The following LARP1B variants were observed in gnomAD, a reference collection of about 807,000 sequenced individuals.
The protein encoded by LARP1B is la-related protein 1B.
A neutral mutation model predicts 114.2 loss-of-function variants in LARP1B; 76 were observed. The ratio of observed to expected loss-of-function variants is 0.67; its 90% confidence interval spans 0.55 to 0.81. The LOEUF (loss-of-function observed/expected upper bound fraction) is 0.81, where lower values mean the gene tolerates loss of function less well. LARP1B is among the 30% of genes least tolerant of loss of function. The pLI is 0.00. For synonymous variants in LARP1B, 345 were observed against 348.0 expected (o/e 0.99, Z 0.10); for missense variants, 1,014 against 1,075.8 (o/e 0.94, Z 0.80).
At chr4:128,221,543 C>T (rs6849865) in intron 7 of LARP1B, among the ~76,000 whole-genome samples, 2 of 152,006 alleles carry the variant, frequency 1.3e-5, no homozygotes, top group Admixed American at 6.6e-5. Context: ...AAACCAGAAT[C>T]CGCTGCTATT....
chr4:128,097,953 G>A (rs1165227574), intron 7 of LARP1B, among the ~76,000 whole-genome samples: 1 of 152,014 alleles, frequency 6.6e-6, no homozygotes, highest in Non-Finnish European at 1.5e-5. Flanking sequence ...CTAAATAGAA[G>A]TTATTAATTT....
At position 128,091,380 on chromosome 4, in the gene LARP1B, A is replaced by G. The variant is rs1156447592; in HGVS notation, c.536A>G (p.His179Arg). 2.5e-6 allele frequency: 4 copies of G among 1,612,078 alleles called. No individual in the cohort carries two copies. Among genetic ancestry groups the G allele is most frequent in the Non-Finnish European group, 3.4e-6 (4 of 1,179,060 alleles). ...GATTATTCATATGGTTATCAAGAAC[A>G]TGGTGAAAGGACTGATCAACCATTT... Reference protein sequence around the residue: ...NFDYSYGYQEHGERTDQPFQT... With the variant: ...NFDYSYGYQERGERTDQPFQT... Residue 179 changes from histidine to arginine, a missense_variant, in exon 7 of 20, where the codon CAT (histidine) becomes CGT (arginine). His to Arg is a conservative substitution (Grantham distance 29). Coordinates refer to ENST00000326639, the MANE Select transcript of LARP1B (RefSeq NM_018078.4).
Position 128,065,321 on chromosome 4 carries a change from C to CTTT in LARP1B, c.-78+3921_-78+3922insTTT, listed in dbSNP as rs1561012561. On this transcript the variant is annotated intron_variant, in intron 1 of 19. Coordinates refer to ENST00000326639, the MANE Select transcript of LARP1B (RefSeq NM_018078.4). ...TCTTTCTTTCTTTCTTTCTTTCTCT[C>CTTT]TCTCTCTCTCTTTCCTTTCTTTTCT... is the stretch of plus-strand genomic sequence containing the variant. Among the ~76,000 whole-genome samples, 25 of 131,920 alleles carry CTTT rather than the reference C, an allele frequency of 1.9e-4. 1 individual carries two copies. Among genetic ancestry groups the CTTT allele is most frequent in the African/African-American group, 1.7e-4 (6 of 36,054 alleles). 86.5% of individuals were successfully genotyped at this position (131,920 alleles called of 152,430 possible). A position where few individuals can be genotyped will look rare whatever the true frequency, so the allele number is the denominator to read the frequency against.
chr4:128,067,457 T>C (rs1381295685), intron 1 of LARP1B, among the ~76,000 whole-genome samples: 1 of 152,186 alleles, frequency 6.6e-6, no homozygotes, highest in African/African-American at 2.4e-5. Flanking sequence ...AAATTATGAA[T>C]TTTCTCTACA....
At chr4:128,186,817 G>A (rs1056994435) in intron 15 of LARP1B, among the ~76,000 whole-genome samples, 1 of 152,188 alleles carries the variant, frequency 6.6e-6, no homozygotes, top group Admixed American at 6.5e-5. Flanking sequence ...AGGACAGAAT[G>A]GGGCCCTGTG....
chr4:128,061,105 T>C (rs1003085990), upstream of LARP1B, among the ~76,000 whole-genome samples: 37 of 151,786 alleles, frequency 2.4e-4, no homozygotes, highest in Non-Finnish European at 4.1e-4. Context: ...CCGGGAGTCG[T>C]CCCCTTCGTC....
chr4:128,072,953 G>A (rs968775457), intron 1 of LARP1B, among the ~76,000 whole-genome samples: 1 of 152,084 alleles, frequency 6.6e-6, no homozygotes, highest in Non-Finnish European at 1.5e-5. Flanking sequence ...ATAGTATTCT[G>A]TGTATTATTA....
At chr4:128,074,239 A>G (rs1311677527) in intron 1 of LARP1B, among the ~76,000 whole-genome samples, 1 of 152,084 alleles carries the variant, frequency 6.6e-6, no homozygotes, top group Non-Finnish European at 1.5e-5. Context: ...CCCGCCCGGC[A>G]ACACTGTTAA....
intron 3 of LARP1B, among the ~76,000 whole-genome samples, 176 bp from the exon 4 acceptor site, chr4:128,077,611 CT>C (rs1288307683): frequency 1.3e-5 from 2 of 148,900 alleles, no homozygotes; most frequent in Non-Finnish European, 3.0e-5. Flanking sequence ...TTAGCAAATA[CT>C]TTCTCCTAGT....
In LARP1B at chr4:128,199,426, C is replaced by A; in HGVS notation, c.2004-13C>A. The A allele has an allele frequency of 6.8e-7, 1 of 1,473,768 alleles. No individual in the cohort carries two copies. Among genetic ancestry groups the A allele is most frequent in the Non-Finnish European group, 9.0e-7 (1 of 1,106,090 alleles). 91.3% of individuals were successfully genotyped at this position (1,473,768 alleles called of 1,614,324 possible). ...TTTTCATTTTGAAGGCTTTTTTCCC[C>A]TTTCTCAAACAGCACTTCAAATGCT... On this transcript the variant is annotated splice_polypyrimidine_tract_variant and intron_variant, in intron 15 of 19. Coordinates refer to ENST00000326639, the MANE Select transcript of LARP1B (RefSeq NM_018078.4).
At position 128,208,645 on chromosome 4, in the gene LARP1B, A is replaced by G. The variant is rs570859208; in HGVS notation, c.2548-1211A>G. ...CAACGGAAGATTGGATGAGGAGGTT[A>G]CTATCTTAGTTTAGCTCCACATAAA... On this transcript the variant is annotated intron_variant, in intron 19 of 19. Transcript: ENST00000326639. Among the ~76,000 whole-genome samples the G allele has an allele frequency of 6.6e-5, 10 of 152,306 alleles. No individual in the cohort carries two copies. The South Asian group carries it at 2.1e-3, about 32-fold the overall frequency.
intron 1 of LARP1B, chr4:128,062,025 C>G: frequency 1.0e-6 from 1 of 985,146 alleles, no homozygotes; most frequent in South Asian, 4.7e-5. Flanking sequence ...CCGCCGCCGC[C>G]GTCGCCGTTG....
At chr4:128,183,709 G>A (rs1368281276) in intron 15 of LARP1B, among the ~76,000 whole-genome samples, 2 of 152,160 alleles carry the variant, frequency 1.3e-5, no homozygotes, top group Non-Finnish European at 2.9e-5. Context: ...GGCTATAGCT[G>A]CCACAGCTAG....
chr4:128,155,616 A>G (rs1735176417), intron 11 of LARP1B: 1 of 1,206,768 alleles, frequency 8.3e-7, no homozygotes. Context: ...CCAGCCCCCT[A>G]CAACCCCAGC....
At chr4:128,125,858 C>CTCTGGGTG (rs1242859458) in intron 11 of LARP1B, among the ~76,000 whole-genome samples, 1 of 152,212 alleles carries the variant, frequency 6.6e-6, no homozygotes, top group Non-Finnish European at 1.5e-5. Flanking sequence ...CAAGTTCATA[C>CTCTGGGTG]TCTGGGTGAC....
intron 1 of LARP1B, chr4:128,062,067 A>G: frequency 1.0e-6 from 1 of 985,242 alleles, no homozygotes; most frequent in Non-Finnish European, 1.2e-6. Context: ...CCGGCCGAGG[A>G]CGCCCGGGAA....
At chr4:128,061,598 C>G (rs920575348) in intron 1 of LARP1B, 197 bp downstream of exon 1, 3 of 846,528 alleles carry the variant, frequency 3.5e-6, no homozygotes, top group Non-Finnish European at 4.3e-6. Context: ...TTGTCTGTCC[C>G]CAGTTGGAGC....
intron 11 of LARP1B, among the ~76,000 whole-genome samples, chr4:128,139,484 T>C (rs1339129129): frequency 6.6e-6 from 1 of 151,980 alleles, no homozygotes; most frequent in Non-Finnish European, 1.5e-5. Context: ...GAATGGCCAC[T>C]GCACTCCAGC....
At chr4:128,111,529 T>C (rs1023289027) in intron 9 of LARP1B, among the ~76,000 whole-genome samples, 2 of 152,096 alleles carry the variant, frequency 1.3e-5, no homozygotes, top group African/African-American at 4.8e-5. Flanking sequence ...TGAGACCCAG[T>C]CTACAAAATA....
Sources: gnomAD v4.1 joint callset for allele counts (sites outside exome capture counted in the v4.1 genomes callset) on GRCh38, gnomAD v4.1.1 for gene constraint, MANE v1.5 for transcripts, NCBI Gene and HGNC (gene_info 2026-07-23, HGNC 2026-07-21) for gene names.